The following GALNT13 variants were observed in gnomAD, a reference collection of about 807,000 sequenced individuals.
GALNT13 encodes the protein UDP-GalNAc:polypeptide N-acetylgalactosaminyltransferase 13.
A neutral mutation model predicts 64.2 loss-of-function variants in GALNT13; 28 were observed. The observed-to-expected ratio is 0.44, with a 90% CI of 0.32 to 0.60. GALNT13 has a LOEUF of 0.60. GALNT13 is among the 20% of genes least tolerant of loss of function. GALNT13 has a pLI of 0.05. For synonymous variants in GALNT13, 214 were observed against 224.6 expected, an observed-to-expected ratio of 0.95 and a Z score of 0.42; for missense variants, 577 against 669.8, an observed-to-expected ratio of 0.86 and a Z score of 1.53.
At chr2:153,481,356 T>C in the GALNT13 span, among the ~76,000 whole-genome samples, 1 of 152,194 alleles carries the variant, frequency 6.6e-6, no homozygotes, top group Non-Finnish European at 1.5e-5. Flanking sequence ...TCTTTTCCTT[T>C]TGAATTTTCA....
chr2:153,916,679 A>C lies in GALNT13; in HGVS notation c.-105+15672A>C, dbSNP rs1040744383. Reference sequence around the variant, plus strand: ...ATAATATATTCAAAGGGTTCATTGCATAGGAAATAGTCAAGAAATGGTATA... The same window carrying C: ...ATAATATATTCAAAGGGTTCATTGCCTAGGAAATAGTCAAGAAATGGTATA... On this transcript the variant is annotated intron_variant, in intron 2 of 12. Coordinates refer to ENST00000392825, the MANE Select transcript of GALNT13 (RefSeq NM_052917.4). Among the ~76,000 whole-genome samples the C allele has an allele frequency of 2.0e-5, 3 of 152,216 alleles. No individual in the cohort carries two copies. The East Asian group carries it at 5.8e-4, about 29-fold the overall frequency.
intron 3 of GALNT13, among the ~76,000 whole-genome samples, chr2:153,984,644 A>T (rs955062650): frequency 2.6e-5 from 4 of 151,782 alleles, no homozygotes; most frequent in African/African-American, 9.7e-5. Context: ...AGTGTGCATT[A>T]TGATGTGTTT....
chr2:153,118,710 A>G, the GALNT13 span, among the ~76,000 whole-genome samples: 2 of 152,326 alleles, frequency 1.3e-5, no homozygotes, highest in South Asian at 4.1e-4. Context: ...TGAGCCATGC[A>G]TTATTCTAGG....
chr2:153,984,733 A>G (rs1694681862), intron 3 of GALNT13, among the ~76,000 whole-genome samples: 1 of 151,832 alleles, frequency 6.6e-6, no homozygotes, highest in African/African-American at 2.4e-5. Context: ...ATCTATTTTT[A>G]ATAATTATAG....
intron 4 of GALNT13, among the ~76,000 whole-genome samples, chr2:154,144,743 C>G (rs1324636497): frequency 6.6e-6 from 1 of 151,980 alleles, no homozygotes; most frequent in Non-Finnish European, 1.5e-5. Context: ...TATGTTTACA[C>G]AGAGAACAGA....
At chr2:153,267,790 C>A in the GALNT13 span, among the ~76,000 whole-genome samples, 3 of 152,204 alleles carry the variant, frequency 2.0e-5, no homozygotes, top group Non-Finnish European at 4.4e-5. Flanking sequence ...TGAATTTCTC[C>A]TCAGAAAATG....
the GALNT13 span, among the ~76,000 whole-genome samples, chr2:153,628,502 T>G: frequency 6.5e-4 from 98 of 151,446 alleles, 1 homozygote; most frequent in East Asian, 5.6e-3. Flanking sequence ...TAGCTCTTAT[T>G]ATTTTGAAAT....
chr2:153,419,950 A>G, the GALNT13 span, among the ~76,000 whole-genome samples: 1 of 152,214 alleles, frequency 6.6e-6, no homozygotes, highest in Non-Finnish European at 1.5e-5. Context: ...ATAGTTTACA[A>G]CAGACCTACC....
the GALNT13 span, among the ~76,000 whole-genome samples, chr2:153,480,365 T>G: frequency 2.0e-5 from 3 of 152,194 alleles, no homozygotes; most frequent in Admixed American, 2.0e-4. Flanking sequence ...TTCAATTTTT[T>G]GATATTTATG....
intron 8 of GALNT13, among the ~76,000 whole-genome samples, chr2:154,284,844 C>T (rs1347432902): frequency 6.6e-6 from 1 of 152,124 alleles, no homozygotes; most frequent in East Asian, 1.9e-4. Context: ...TCCACATCCT[C>T]ATGTGGAGAG....
intron 2 of GALNT13, among the ~76,000 whole-genome samples, chr2:153,906,395 C>A (rs28376973): frequency 7.8e-6 from 1 of 128,750 alleles, no homozygotes; most frequent in African/African-American, 2.9e-5. Context: ...TCCCTCCCCC[C>A]TCCCCCCACT....
the GALNT13 span, among the ~76,000 whole-genome samples, chr2:153,148,131 T>G: frequency 6.6e-6 from 1 of 151,938 alleles, no homozygotes; most frequent in Non-Finnish European, 1.5e-5. Context: ...CTACTTCCTT[T>G]TAAAAATTCA....
chr2:153,191,771 C>G, the GALNT13 span, among the ~76,000 whole-genome samples: 1 of 148,228 alleles, frequency 6.7e-6, no homozygotes, highest in Non-Finnish European at 1.5e-5. Context: ...TTTTCTGTTT[C>G]TTTCTTATTC....
chr2:153,311,143 C>T, the GALNT13 span, among the ~76,000 whole-genome samples: 1 of 151,934 alleles, frequency 6.6e-6, no homozygotes, highest in South Asian at 2.1e-4. Context: ...ATTTTAAGAG[C>T]AAAGGTAAAG....
At chr2:153,152,019 TG>T in the GALNT13 span, among the ~76,000 whole-genome samples, 3 of 152,074 alleles carry the variant, frequency 2.0e-5, no homozygotes, top group South Asian at 6.2e-4. Context: ...TGGCCAACTC[TG>T]GTAGTCTGAA....
At chr2:154,095,800 A>G (rs1295026358) in intron 3 of GALNT13, among the ~76,000 whole-genome samples, 1 of 151,934 alleles carries the variant, frequency 6.6e-6, no homozygotes, top group African/African-American at 2.4e-5. Context: ...TCTTGAATAC[A>G]CTGGTTTTGA....
the GALNT13 span, among the ~76,000 whole-genome samples, chr2:153,715,833 C>T: frequency 3.9e-4 from 54 of 137,072 alleles, no homozygotes; most frequent in Middle Eastern, 3.8e-3. Flanking sequence ...CTTCTTCTTC[C>T]TTTTTTTTTT....
chr2:154,321,471 T>A (rs1469876659), intron 9 of GALNT13, among the ~76,000 whole-genome samples: 6 of 152,272 alleles, frequency 3.9e-5, no homozygotes, highest in African/African-American at 1.4e-4. Flanking sequence ...ATTAAGACTT[T>A]AACAGAAAAA....
At chr2:153,812,598 A>G in the GALNT13 span, among the ~76,000 whole-genome samples, 2 of 152,150 alleles carry the variant, frequency 1.3e-5, no homozygotes, top group Non-Finnish European at 2.9e-5. Flanking sequence ...TGCACCCACA[A>G]CACAATAGAG....
Sources: allele counts gnomAD v4.1 joint callset (sites outside exome capture counted in the v4.1 genomes callset), GRCh38; gene constraint gnomAD v4.1.1; transcripts MANE v1.5; gene names NCBI Gene and HGNC (gene_info 2026-07-23, HGNC 2026-07-21).